LIFR: variants seen among roughly 807,000 people sequenced by gnomAD.
The protein encoded by LIFR is leukemia inhibitory factor receptor.
A neutral mutation model predicts 122.2 loss-of-function variants in LIFR; 84 were observed. The observed-to-expected ratio is 0.69, with a 90% CI of 0.58 to 0.82. The LOEUF is 0.82. LIFR is among the 40% of genes least tolerant of loss of function. The pLI, the probability that LIFR is intolerant of heterozygous loss-of-function variation, is 0.00. For synonymous variants in LIFR, 422 were observed against 434.7 expected, an observed-to-expected ratio of 0.97 and a Z score of 0.36; for missense variants, 1,294 against 1,311.6, an observed-to-expected ratio of 0.99 and a Z score of 0.21.
intron 16 of LIFR, among the ~76,000 whole-genome samples, chr5:38,487,298 T>G (rs1244181995): frequency 1.3e-5 from 2 of 152,240 alleles, no homozygotes; most frequent in South Asian, 2.1e-4. Context: ...AATATCTGCA[T>G]TTCTCTCTCA....
Position 38,474,972 on chromosome 5 carries a change from A to G in LIFR, c.*6623T>C, listed in dbSNP as rs1295393638. The G allele has an allele frequency of 6.0e-6, 1 of 166,104 alleles. No individual in the cohort carries two copies. The highest frequency in any genetic ancestry group is 2.4e-5 in the African/African-American group (1 of 41,942). 10.3% of individuals were successfully genotyped at this position (166,104 alleles called of 1,614,324 possible). On this transcript the variant is annotated 3_prime_UTR_variant, in exon 20 of 20. Coordinates refer to ENST00000453190, the MANE Select transcript of LIFR (RefSeq NM_001127671.2). The stretch of plus-strand genomic sequence containing the variant: ...CCCAAGTCTGTCAGTGTAAGATGTA[A>G]GAAAATATATTTATTTTTTCCATGA...
intron 9 of LIFR, among the ~76,000 whole-genome samples, chr5:38,504,778 A>G (rs928890425): frequency 6.6e-6 from 1 of 152,226 alleles, no homozygotes; most frequent in Non-Finnish European, 1.5e-5. Context: ...ATGCAAGGAT[A>G]AAATGTAGCC....
intron 2 of LIFR, 54 bp downstream of exon 2, chr5:38,530,452 A>C (rs1746941114): frequency 3.9e-6 from 6 of 1,526,042 alleles, no homozygotes; most frequent in Non-Finnish European, 5.5e-6. Flanking sequence ...CTTCGTCATC[A>C]AAATGGAAAT....
chr5:38,569,459 T>G (rs2112712188), intron 1 of LIFR, among the ~76,000 whole-genome samples: 2 of 152,252 alleles, frequency 1.3e-5, no homozygotes, highest in Non-Finnish European at 2.9e-5. Flanking sequence ...TCCTGTCAGA[T>G]CAGCAGCAGC....
At chr5:38,558,690 CGTG>C (rs1457719405), upstream of LIFR, 1 of 152,158 alleles carries the variant, frequency 6.6e-6, no homozygotes, top group Non-Finnish European at 1.5e-5. Context: ...ACTTAACAAT[CGTG>C]GTGGAAGGAG....
upstream of LIFR, among the ~76,000 whole-genome samples, chr5:38,599,288 C>A (rs1750180319): frequency 6.6e-6 from 1 of 152,210 alleles, no homozygotes; most frequent in Non-Finnish European, 1.5e-5. Context: ...GCCTTAAAGT[C>A]CTAGAGCTAA....
intron 16 of LIFR, among the ~76,000 whole-genome samples, chr5:38,487,265 T>C (rs890230182): frequency 3.9e-5 from 6 of 152,198 alleles, no homozygotes; most frequent in African/African-American, 1.2e-4. Flanking sequence ...GGAAAGTAAA[T>C]GTTTGCAGCC....
chr5:38,515,156 C>G lies in LIFR; in HGVS notation c.562-3192G>C, dbSNP rs564169810. Among the ~76,000 whole-genome samples the G allele has an allele frequency of 1.5e-3, 222 of 152,230 alleles. 7 individuals are homozygous for G. Among genetic ancestry groups the G allele is most frequent in the Admixed American group, 0.012 (183 of 15,292 alleles). On this transcript the variant is annotated intron_variant, in intron 5 of 19. Transcript: ENST00000453190. Reference sequence around the variant, plus strand: ...TATCTTGAGTGAGTTATAAATATATCTAGGTATTAATCCATTCAAACCTAG... The same window carrying G: ...TATCTTGAGTGAGTTATAAATATATGTAGGTATTAATCCATTCAAACCTAG...
intron 1 of LIFR, among the ~76,000 whole-genome samples, chr5:38,538,196 C>T (rs1317151103): frequency 1.3e-5 from 2 of 152,194 alleles, no homozygotes; most frequent in Non-Finnish European, 2.9e-5. Context: ...ACTTGAGATG[C>T]CATTCAGATT....
At chr5:38,530,742 C>A in intron 1 of LIFR, 76 bp from the exon 2 acceptor site, 1 of 1,225,468 alleles carries the variant, frequency 8.2e-7, no homozygotes, top group South Asian at 1.2e-5. Flanking sequence ...CACAAACACT[C>A]AAATAGATTC....
upstream of LIFR, among the ~76,000 whole-genome samples, chr5:38,561,310 G>A (rs144906101): frequency 2.6e-5 from 4 of 152,318 alleles, no homozygotes; most frequent in East Asian, 7.7e-4. Context: ...AAAGTAAGTA[G>A]TGAGACTCTT....
rs1743794243 is a variant in LIFR, at chr5:38,477,791, G to A, written c.*3804C>T. On this transcript the variant is annotated 3_prime_UTR_variant, in exon 20 of 20. Coordinates refer to ENST00000453190, the MANE Select transcript of LIFR (RefSeq NM_001127671.2). Reference sequence around the variant, plus strand: ...GACTCAGTCAAGAAAATTAGTTACTGAGCTTTCACGATGTGCCTAGTCTTT... The same window carrying A: ...GACTCAGTCAAGAAAATTAGTTACTAAGCTTTCACGATGTGCCTAGTCTTT... 1 of 218,098 alleles carries A rather than the reference G, an allele frequency of 4.6e-6. No homozygotes were observed. The highest frequency in any genetic ancestry group is 1.9e-4 in the South Asian group (1 of 5,394). 13.5% of individuals were successfully genotyped at this position (218,098 alleles called of 1,614,324 possible).
intron 5 of LIFR, among the ~76,000 whole-genome samples, chr5:38,513,843 G>A (rs537675535): frequency 2.0e-5 from 3 of 152,218 alleles, no homozygotes; most frequent in South Asian, 4.1e-4. Context: ...TCGCTTAACT[G>A]TGAGCAGCAA....
intron 5 of LIFR, among the ~76,000 whole-genome samples, chr5:38,519,900 T>A: frequency 6.6e-6 from 1 of 152,220 alleles, no homozygotes; most frequent in East Asian, 1.9e-4. Flanking sequence ...TTCCACATAT[T>A]TTCTATTGTG....
At chr5:38,529,261 T>C (rs1325950110) in intron 2 of LIFR, among the ~76,000 whole-genome samples, 1 of 151,838 alleles carries the variant, frequency 6.6e-6, no homozygotes, top group Non-Finnish European at 1.5e-5. Flanking sequence ...ATAGCCCCAC[T>C]TAAGGAAAAA....
intron 1 of LIFR, among the ~76,000 whole-genome samples, chr5:38,590,882 G>T (rs868596809): frequency 1.3e-5 from 2 of 152,210 alleles, no homozygotes; most frequent in Non-Finnish European, 2.9e-5. Context: ...TCAAAAGATT[G>T]TTGTTGACTC....
intron 13 of LIFR, among the ~76,000 whole-genome samples, chr5:38,494,109 C>T (rs939561893): frequency 1.3e-5 from 2 of 152,154 alleles, no homozygotes; most frequent in Non-Finnish European, 2.9e-5. Context: ...AGGACACTGG[C>T]TGGGACAGGG....
chr5:38,537,711 T>C (rs1355510556), intron 1 of LIFR, among the ~76,000 whole-genome samples: 1 of 152,264 alleles, frequency 6.6e-6, no homozygotes, highest in Admixed American at 6.5e-5. Context: ...CATTTCTTTT[T>C]ATTGCGTAAT....
upstream of LIFR, among the ~76,000 whole-genome samples, chr5:38,598,241 A>AT (rs1307363084): frequency 5.4e-3 from 198 of 36,666 alleles, 3 homozygotes; most frequent in South Asian, 0.039. Context: ...TTATTTATTT[A>AT]TTTATTTTTT....
Sources: allele counts gnomAD v4.1 joint callset (sites outside exome capture counted in the v4.1 genomes callset), GRCh38; gene constraint gnomAD v4.1.1; transcripts MANE v1.5; gene names NCBI Gene and HGNC (gene_info 2026-07-23, HGNC 2026-07-21).